SLC15A1: variants seen among roughly 807,000 people sequenced by gnomAD.
The protein encoded by SLC15A1 is solute carrier family 15 member 1, also known as Caco-2 oligopeptide transporter.
In SLC15A1, 83 loss-of-function variants were observed where a neutral mutation model predicts 92.9. The observed-to-expected ratio is 0.89, with a 90% CI of 0.75 to 1.07. The LOEUF (loss-of-function observed/expected upper bound fraction) is 1.07. SLC15A1 is among the 50% of genes least tolerant of loss of function. The pLI is 0.00. For synonymous variants in SLC15A1, 322 were observed against 318.2 expected, an observed-to-expected ratio of 1.01 and a Z score of -0.13; for missense variants, 857 against 880.1, an observed-to-expected ratio of 0.97 and a Z score of 0.33.
At chr13:98,695,710 T>G (rs1367538501) in intron 18 of SLC15A1, among the ~76,000 whole-genome samples, 2 of 152,050 alleles carry the variant, frequency 1.3e-5, no homozygotes, top group East Asian at 3.9e-4. Context: ...AATTTTTGGC[T>G]GATGCATTGC....
At chr13:98,735,053 T>A (rs1008554067) in intron 1 of SLC15A1, among the ~76,000 whole-genome samples, 9 of 152,104 alleles carry the variant, frequency 5.9e-5, no homozygotes, top group Non-Finnish European at 1.2e-4. Flanking sequence ...TAGACCAATA[T>A]CCCTGATGAA....
At chr13:98,705,452 C>G (rs2088105388) in intron 16 of SLC15A1, among the ~76,000 whole-genome samples, 1 of 152,110 alleles carries the variant, frequency 6.6e-6, no homozygotes, top group Admixed American at 6.6e-5. Flanking sequence ...GTTGCTACAA[C>G]AAAAAATGTC....
intron 16 of SLC15A1, 51 bp downstream of exon 16, chr13:98,706,083 T>G (rs2088110270): frequency 6.3e-7 from 1 of 1,578,324 alleles, no homozygotes; most frequent in Non-Finnish European, 8.6e-7. Context: ...TAAATCCTAT[T>G]ATAACAGGGT....
intron 18 of SLC15A1, among the ~76,000 whole-genome samples, chr13:98,693,332 A>G (rs534037806): frequency 1.1e-3 from 174 of 152,216 alleles, no homozygotes; most frequent in Middle Eastern, 3.4e-3. Flanking sequence ...TCCTGGCCTC[A>G]GGTGACCTGC....
chr13:98,706,133 C>T lies in SLC15A1; in HGVS notation c.1269+1G>A. 6.2e-7 allele frequency: 1 copy of T among 1,607,490 alleles called. No homozygotes were observed. The highest frequency in any genetic ancestry group is 1.1e-5 in the South Asian group (1 of 89,194). ...GAAGGCAGCAATTTCCTTCTACTTA[C>T]TTGAGACATTGGGCCAAGTGTCACC... On this transcript the variant is annotated splice_donor_variant, in intron 16 of 22. Coordinates refer to ENST00000376503, the MANE Select transcript of SLC15A1 (RefSeq NM_005073.4). LOFTEE classifies it high-confidence loss of function.
chr13:98,722,446 T>C (rs916578333), intron 5 of SLC15A1, among the ~76,000 whole-genome samples: 2 of 150,786 alleles, frequency 1.3e-5, no homozygotes, highest in Non-Finnish European at 2.9e-5. Context: ...TACTCTTGTA[T>C]TTTCTAGGTT....
chr13:98,744,495 A>C (rs1181284110), intron 1 of SLC15A1, among the ~76,000 whole-genome samples: 1 of 152,074 alleles, frequency 6.6e-6, no homozygotes, highest in Admixed American at 6.6e-5. Flanking sequence ...TCACGCCTGT[A>C]ATCCCAGCAC....
At chr13:98,744,950 A>G (rs1333953476) in intron 1 of SLC15A1, among the ~76,000 whole-genome samples, 4 of 152,028 alleles carry the variant, frequency 2.6e-5, no homozygotes, top group Admixed American at 6.6e-5. Context: ...CAGGTGACTT[A>G]TTTTTTTCAG....
chr13:98,726,578 G>A (rs372745712), intron 2 of SLC15A1, 129 bp from the exon 3 acceptor site: 23 of 857,360 alleles, frequency 2.7e-5, no homozygotes, highest in African/African-American at 2.5e-4. Flanking sequence ...TCTAGAGCAG[G>A]AAACTAGCAT....
At chr13:98,742,716 C>T (rs139424958) in intron 1 of SLC15A1, among the ~76,000 whole-genome samples, 2 of 152,192 alleles carry the variant, frequency 1.3e-5, no homozygotes, top group African/African-American at 4.8e-5. Context: ...CCACCATACT[C>T]ACGTGGCGCT....
Position 98,687,633 on chromosome 13 carries a change from G to C in SLC15A1, c.1775C>G (p.Thr592Ser). The stretch of plus-strand genomic sequence containing the variant: ...GACAGAGAAGACCACTTCGCCACAG[G>C]TGAGAAGAAAATACTGCGGGATTTG... ...ALQIPQYFLL[T>S]CGEVVFSVTG... The change falls in exon 21 of 23, where the codon ACC becomes AGC. Residue 592 changes from threonine (T) to serine (S), a missense_variant. By Grantham distance (58) the Thr-to-Ser change is moderately conservative. Transcript: ENST00000376503. 6.2e-7 allele frequency: 1 copy of C among 1,614,200 alleles called. No homozygotes were observed.
intron 18 of SLC15A1, among the ~76,000 whole-genome samples, chr13:98,689,734 G>C (rs1458195099): frequency 6.6e-6 from 1 of 152,208 alleles, no homozygotes; most frequent in East Asian, 1.9e-4. Flanking sequence ...ATGGGTATGA[G>C]TCATTATACC....
At chr13:98,717,333 A>G (rs1210186321) in intron 8 of SLC15A1, among the ~76,000 whole-genome samples, 2 of 152,324 alleles carry the variant, frequency 1.3e-5, no homozygotes, top group African/African-American at 4.8e-5. Flanking sequence ...GATTGAGTCT[A>G]TGTTTTCTTT....
In SLC15A1 at chr13:98,719,287, C is replaced by T. The variant is rs775854462; in HGVS notation, c.590G>A (p.Cys197Tyr). The change falls in exon 8 of 23, where the codon TGT becomes TAT. Residue 197 changes from cysteine (C) to tyrosine (Y), a missense_variant. By Grantham distance (194) the Cys-to-Tyr change is radical. Transcript: ENST00000376503. Reference sequence around the variant, plus strand: ...AGGAACCCCAAAGGCCAGTGGGTAACAAGCTTGTTTACTGTGAATTCCACA... The same window carrying T: ...AGGAACCCCAAAGGCCAGTGGGTAATAAGCTTGTTTACTGTGAATTCCACA... ...QQCGIHSKQA[C>Y]YPLAFGVPAA... 35 of 1,613,938 alleles carry T rather than the reference C, an allele frequency of 2.2e-5. No individual in the cohort carries two copies. The highest frequency in any genetic ancestry group is 3.0e-5 in the Non-Finnish European group (35 of 1,179,854).
intron 17 of SLC15A1, 105 bp from the exon 18 acceptor site, chr13:98,702,634 CT>C: frequency 1.1e-5 from 10 of 931,504 alleles, no homozygotes; most frequent in Non-Finnish European, 1.7e-5. Flanking sequence ...GACACTTATC[CT>C]AGGACCTAAG....
intron 22 of SLC15A1, among the ~76,000 whole-genome samples, chr13:98,685,440 G>A (rs542936313): frequency 6.6e-6 from 1 of 152,336 alleles, no homozygotes; most frequent in Non-Finnish European, 1.5e-5. Context: ...AGTGCAGAAG[G>A]AAAGAGTGTA....
chr13:98,742,415 T>C (rs1160721189), intron 1 of SLC15A1, among the ~76,000 whole-genome samples: 1 of 152,188 alleles, frequency 6.6e-6, no homozygotes, highest in Non-Finnish European at 1.5e-5. Context: ...TTCACCTTCC[T>C]TTAAGACAGT....
rs114170989 is a variant in SLC15A1, at chr13:98,699,106, A to G, written c.1466+3374T>C. On this transcript the variant is annotated intron_variant, in intron 18 of 22. Transcript: ENST00000376503. ...TACCCCATAGTCAAACCTTTCCTCC[A>G]CTCCTAACCCACGCCAATCACTAAT... 6.2e-3 allele frequency among the ~76,000 whole-genome samples: 935 copies of G among 151,994 alleles called. 6 individuals are homozygous for G. The highest frequency in any genetic ancestry group is 0.02 in the African/African-American group (829 of 41,424).
chr13:98,730,705 C>T (rs1437974427), intron 1 of SLC15A1, among the ~76,000 whole-genome samples: 4 of 152,274 alleles, frequency 2.6e-5, no homozygotes, highest in African/African-American at 4.8e-5. Context: ...TCAGCGCCTC[C>T]GCGCCGCTTC....
Sources: allele counts gnomAD v4.1 joint callset (sites outside exome capture counted in the v4.1 genomes callset), GRCh38; gene constraint gnomAD v4.1.1; transcripts MANE v1.5; gene names NCBI Gene and HGNC (gene_info 2026-07-23, HGNC 2026-07-21).